RALYL: variants seen among roughly 807,000 people sequenced by gnomAD.
RALYL encodes RNA-binding Raly-like protein.
Under a neutral mutation model 35.1 loss-of-function variants are expected in RALYL, and 29 were observed. The ratio of observed to expected loss-of-function variants is 0.83; its 90% CI spans 0.61 to 1.13. The LOEUF (loss-of-function observed/expected upper bound fraction) is 1.13, where lower values mean the gene tolerates loss of function less well. Ranked by LOEUF, RALYL falls within the 50% of genes most tolerant of loss-of-function variation. The pLI is 0.00. For missense variants in RALYL, 359 were observed against 360.4 expected (o/e 1.00, Z 0.03); for synonymous variants, 120 against 127.6 (o/e 0.94, Z 0.40).
In RALYL at chr8:84,322,963, T is replaced by C. The variant is rs943223364; in HGVS notation, c.-24+138539T>C. Among the ~76,000 whole-genome samples, 4 of 152,094 alleles carry C rather than the reference T, an allele frequency of 2.6e-5. No homozygotes were observed. The East Asian group carries it at 5.8e-4, about 22-fold the overall frequency. On this transcript the variant is annotated intron_variant, in intron 1 of 8. Transcript: ENST00000521268. ...ACTTTGCAAATAGAAGTCACAAGTA[T>C]ATATTATTCTTGGGTAATGGGATGA... is the stretch of plus-strand genomic sequence containing the variant.
chr8:84,918,871 A>G (rs1848886809), intron 8 of RALYL, among the ~76,000 whole-genome samples: 1 of 152,110 alleles, frequency 6.6e-6, no homozygotes, highest in African/African-American at 2.4e-5. Flanking sequence ...AGACTTCAAT[A>G]AATTATTTTC....
In RALYL at chr8:84,615,086, A is replaced by G. The variant is rs184860049; in HGVS notation, c.256+85509A>G. Reference sequence around the variant, plus strand: ...GACAGCTAATAGGTATTTCAAAACCATATAATCAATATGTGTGCTTTTTTA... The same window carrying G: ...GACAGCTAATAGGTATTTCAAAACCGTATAATCAATATGTGTGCTTTTTTA... On this transcript the variant is annotated intron_variant, in intron 2 of 8. Transcript: ENST00000521268. Among the ~76,000 whole-genome samples, 3 of 151,910 alleles carry G rather than the reference A, an allele frequency of 2.0e-5. No individual in the cohort carries two copies. In the East Asian group the frequency reaches 5.8e-4, roughly 29 times the overall value.
chr8:84,565,224 G>T (rs932781721), intron 2 of RALYL, among the ~76,000 whole-genome samples: 2 of 151,510 alleles, frequency 1.3e-5, no homozygotes, highest in Non-Finnish European at 3.0e-5. Context: ...AATACTATTT[G>T]AGTGCAGAAG....
intron 1 of RALYL, among the ~76,000 whole-genome samples, chr8:84,306,450 T>C (rs979220436): frequency 6.6e-6 from 1 of 152,152 alleles, no homozygotes; most frequent in Admixed American, 6.5e-5. Context: ...ACTTTGGTGT[T>C]ATCATGGATT....
rs575060864 is a variant in RALYL at position 84,401,541 on chromosome 8, G to A, written c.-23-127758G>A. ...TAATCCCAGCTACTCGGGAGGCTGA[G>A]GCAGGAGAATGGCATGAACCCGGGA... On this transcript the variant is annotated intron_variant, in intron 1 of 8. Coordinates refer to ENST00000521268, the MANE Select transcript of RALYL (RefSeq NM_173848.7). 3.3e-3 allele frequency among the ~76,000 whole-genome samples: 500 copies of A among 150,350 alleles called. 3 individuals carry two copies. The highest frequency in any genetic ancestry group is 0.012 in the African/African-American group (476 of 40,782).
At chr8:84,370,869 G>A (rs1379738502) in intron 1 of RALYL, among the ~76,000 whole-genome samples, 1 of 151,862 alleles carries the variant, frequency 6.6e-6, no homozygotes, top group African/African-American at 2.4e-5. Flanking sequence ...ATTGTCAGAG[G>A]TTGCAAAATT....
intron 1 of RALYL, among the ~76,000 whole-genome samples, chr8:84,401,235 T>A (rs972860066): frequency 6.6e-6 from 1 of 152,144 alleles, no homozygotes; most frequent in Non-Finnish European, 1.5e-5. Flanking sequence ...CTTCTTTTTT[T>A]TAATCTTTTC....
intron 4 of RALYL, among the ~76,000 whole-genome samples, chr8:84,836,434 C>T (rs72681055): frequency 0.036 from 5,499 of 152,192 alleles, 145 homozygotes; most frequent in Middle Eastern, 0.072. Flanking sequence ...TATTTAGGTC[C>T]CATTAGGTTT....
intron 4 of RALYL, among the ~76,000 whole-genome samples, chr8:84,823,111 G>A (rs952973850): frequency 6.6e-5 from 10 of 152,018 alleles, no homozygotes; most frequent in African/African-American, 1.2e-4. Flanking sequence ...ATATGCTATC[G>A]TTATAGCATG....
At chr8:84,343,272 G>A (rs905998841) in intron 1 of RALYL, among the ~76,000 whole-genome samples, 5 of 152,044 alleles carry the variant, frequency 3.3e-5, no homozygotes, top group Non-Finnish European at 7.4e-5. Flanking sequence ...CAATTCATGG[G>A]ACTTTTGCAG....
At chr8:84,288,003 C>A (rs1023306621) in intron 1 of RALYL, among the ~76,000 whole-genome samples, 7 of 151,996 alleles carry the variant, frequency 4.6e-5, no homozygotes, top group Non-Finnish European at 1.0e-4. Context: ...TATAAGTATT[C>A]TGAAATAAAT....
At chr8:84,690,671 A>T (rs1353134815) in intron 2 of RALYL, among the ~76,000 whole-genome samples, 1 of 152,124 alleles carries the variant, frequency 6.6e-6, no homozygotes, top group Non-Finnish European at 1.5e-5. Context: ...AAAACAAAAA[A>T]ATTTAAAAAT....
At chr8:84,644,050 G>A (rs1450095145) in intron 2 of RALYL, among the ~76,000 whole-genome samples, 2 of 152,048 alleles carry the variant, frequency 1.3e-5, no homozygotes, top group Admixed American at 6.6e-5. Flanking sequence ...ATGAGTAAAA[G>A]TATACAGTTA....
At chr8:84,838,795 T>G (rs982020281) in intron 4 of RALYL, among the ~76,000 whole-genome samples, 1 of 152,234 alleles carries the variant, frequency 6.6e-6, no homozygotes, top group Non-Finnish European at 1.5e-5. Flanking sequence ...CAGAAGGCTT[T>G]TAAATTATCG....
intron 2 of RALYL, among the ~76,000 whole-genome samples, chr8:84,646,272 G>A (rs1240499478): frequency 6.6e-6 from 1 of 150,710 alleles, no homozygotes; most frequent in African/African-American, 2.4e-5. Context: ...CATATTTTTG[G>A]TCATTTTGTA....
rs571432731 is a variant in RALYL at position 84,468,200 on chromosome 8, T to G, written c.-23-61099T>G. ...ATCCTGTCATTATGATTATAGCTGGTGATTTTGCTCGTTAGTTGATGCAGT... is the reference window on the plus strand; with the variant it reads ...ATCCTGTCATTATGATTATAGCTGGGGATTTTGCTCGTTAGTTGATGCAGT... On this transcript the variant is annotated intron_variant, in intron 1 of 8. Coordinates refer to ENST00000521268, the MANE Select transcript of RALYL (RefSeq NM_173848.7). Among the ~76,000 whole-genome samples the G allele has an allele frequency of 1.2e-4, 19 of 152,232 alleles. No individual in the cohort carries two copies. In the East Asian group the frequency reaches 3.5e-3, roughly 28 times the overall value.
chr8:84,462,896 A>C (rs1312026484), intron 1 of RALYL, among the ~76,000 whole-genome samples: 3 of 151,946 alleles, frequency 2.0e-5, no homozygotes, highest in African/African-American at 7.2e-5. Context: ...TGATTTTATA[A>C]AGCAACCCAC....
chr8:84,635,455 A>C (rs552424943), intron 2 of RALYL, among the ~76,000 whole-genome samples: 2 of 151,688 alleles, frequency 1.3e-5, no homozygotes, highest in South Asian at 4.2e-4. Context: ...GTGGACAAAA[A>C]CCTCTTTTAA....
intron 2 of RALYL, among the ~76,000 whole-genome samples, chr8:84,668,644 A>G (rs1379241736): frequency 6.6e-6 from 1 of 152,132 alleles, no homozygotes; most frequent in Non-Finnish European, 1.5e-5. Flanking sequence ...AGAGGCATAT[A>G]TTATGAGACA....
Sources: gnomAD v4.1 joint callset for allele counts (sites outside exome capture counted in the v4.1 genomes callset) on GRCh38, gnomAD v4.1.1 for gene constraint, MANE v1.5 for transcripts, NCBI Gene and HGNC (gene_info 2026-07-23, HGNC 2026-07-21) for gene names.